The following HPSE variants were observed in gnomAD, a reference collection of about 807,000 sequenced individuals.
The protein encoded by HPSE is endo-glucoronidase.
Under a neutral mutation model 65.1 loss-of-function variants are expected in HPSE, and 48 were observed. The observed-to-expected ratio is 0.74, with a 90% confidence interval of 0.58 to 0.94. The LOEUF (loss-of-function observed/expected upper bound fraction) is 0.94. HPSE is among the 40% of genes least tolerant of loss of function. The pLI is 0.00. For synonymous variants in HPSE, 243 were observed against 260.0 expected, an observed-to-expected ratio of 0.93 and a Z score of 0.63; for missense variants, 644 against 637.5, an observed-to-expected ratio of 1.01 and a Z score of -0.11.
At chr4:83,335,110 T>G, upstream of HPSE, 1 of 259,372 alleles carries the variant, frequency 3.9e-6, no homozygotes. Flanking sequence ...CCGGGAGGCC[T>G]GGGGAGGAGC....
At position 83,334,736 on chromosome 4, in the gene HPSE, A is replaced by G. The variant is rs550457600; in HGVS notation, c.47T>C (p.Leu16Pro). 1.3e-6 allele frequency: 2 copies of G among 1,559,280 alleles called. No homozygotes were observed. Among genetic ancestry groups the G allele is most frequent in the South Asian group, 2.4e-5 (2 of 84,680 alleles). The change falls in exon 1 of 12, where the codon CTG (leucine) becomes CCG (proline). Residue 16 changes from leucine to proline, a missense_variant. By Grantham distance (98) the Leu-to-Pro change is moderately conservative. Transcript: ENST00000311412. ...KPALPPPLML[L>P]LLGPLGPLSP... ...GAGGGGACCCAGCGGCCCCAGGAGC[A>G]GCAGCATCAGCGGCGGCGGCAGCGC...
chr4:83,308,985 A>G lies in HPSE; in HGVS notation c.985-34T>C, dbSNP rs1560507514. On this transcript the variant is annotated intron_variant, in intron 7 of 11. Coordinates refer to ENST00000311412, the MANE Select transcript of HPSE (RefSeq NM_001098540.3). ...CAGAAAAGTATCCATGGTAATTGCA[A>G]AAAAGCTGACCTGTGGTTTCAACTG... is the stretch of plus-strand genomic sequence containing the variant. The G allele has an allele frequency of 3.8e-6, 6 of 1,568,474 alleles. No homozygotes were observed. The East Asian group carries it at 1.3e-4, about 35-fold the overall frequency.
intron 1 of HPSE, among the ~76,000 whole-genome samples, chr4:83,333,401 C>T (rs1241572729): frequency 6.6e-6 from 1 of 152,188 alleles, no homozygotes; most frequent in East Asian, 1.9e-4. Flanking sequence ...GATGGTCTGT[C>T]CATCTCTTAA....
At chr4:83,323,217 T>C (rs1380646809) in intron 1 of HPSE, among the ~76,000 whole-genome samples, 13 of 152,138 alleles carry the variant, frequency 8.5e-5, no homozygotes, top group Admixed American at 8.5e-4. Flanking sequence ...TGCAGGGCAC[T>C]GAAAATACTC....
In HPSE at chr4:83,309,445, T is replaced by A; in HGVS notation, c.941A>T (p.Asp314Val). 3 of 1,595,198 alleles carry A rather than the reference T, an allele frequency of 1.9e-6. No individual in the cohort carries two copies. The highest frequency in any genetic ancestry group is 2.6e-6 in the Non-Finnish European group (3 of 1,166,790). ...TATKEDFLNP[D>V]VLDIFISSVQ... ...AGATGAAATAAAAATGTCCAATACA[T>A]CAGGGTTTAGAAAATCTTCCTTGGT... The change falls in exon 7 of 12, where the codon GAT (aspartate) becomes GTT (valine). Residue 314 changes from aspartate (D) to valine (V), a missense_variant. Asp to Val is a radical substitution (Grantham distance 152). Coordinates refer to ENST00000311412, the MANE Select transcript of HPSE (RefSeq NM_001098540.3).
chr4:83,322,586 G>A (rs1450603160), intron 1 of HPSE, among the ~76,000 whole-genome samples: 6 of 151,898 alleles, frequency 4.0e-5, no homozygotes, highest in South Asian at 2.1e-4. Context: ...TCTGCTTGCC[G>A]GGTTGAAGCA....
chr4:83,321,953 C>T (rs538641281), intron 2 of HPSE, among the ~76,000 whole-genome samples: 2 of 143,234 alleles, frequency 1.4e-5, no homozygotes, highest in African/African-American at 5.1e-5. Flanking sequence ...TTAATATTTA[C>T]TGTACAATGA....
chr4:83,292,993 C>T lies in HPSE; in HGVS notation c.*2351G>A, dbSNP rs1401450621. 2 of 152,140 alleles carry T rather than the reference C, an allele frequency of 1.3e-5. No individual in the cohort carries two copies. Among genetic ancestry groups the T allele is most frequent in the African/African-American group, 4.8e-5 (2 of 41,424 alleles). 9.4% of individuals were successfully genotyped at this position (152,140 alleles called of 1,614,324 possible). ...CACCCCTGTAAGCAAAAAGTGTGTA[C>T]CCCTAAAGCTATTAAAATAAAAAAT... is the stretch of plus-strand genomic sequence containing the variant. On this transcript the variant is annotated 3_prime_UTR_variant, in exon 12 of 12. Coordinates refer to ENST00000311412, the MANE Select transcript of HPSE (RefSeq NM_001098540.3).
intron 1 of HPSE, among the ~76,000 whole-genome samples, chr4:83,323,504 AACACACAC>A (rs60575393): frequency 4.0e-5 from 6 of 149,960 alleles, no homozygotes; most frequent in African/African-American, 1.2e-4. Context: ...GTCTATTTAA[AACACACAC>A]ACACACACAC....
chr4:83,321,334 A>G (rs1281716220), intron 2 of HPSE, among the ~76,000 whole-genome samples: 1 of 152,218 alleles, frequency 6.6e-6, no homozygotes, highest in Non-Finnish European at 1.5e-5. Context: ...AATTGTTCTA[A>G]ATACTTCATA....
At chr4:83,327,199 A>C (rs1421919114) in intron 1 of HPSE, among the ~76,000 whole-genome samples, 2 of 152,184 alleles carry the variant, frequency 1.3e-5, no homozygotes, top group Non-Finnish European at 2.9e-5. Context: ...AAGTGAATGA[A>C]TGAGCAAGGC....
intron 1 of HPSE, among the ~76,000 whole-genome samples, chr4:83,327,963 G>A (rs1000074379): frequency 6.6e-6 from 1 of 152,158 alleles, no homozygotes; most frequent in Non-Finnish European, 1.5e-5. Context: ...AGAAGGCCTA[G>A]GTCAGAAGTC....
intron 5 of HPSE, 33 bp from the exon 6 acceptor site, chr4:83,310,111 A>T: frequency 7.1e-7 from 1 of 1,403,280 alleles, no homozygotes; most frequent in East Asian, 2.3e-5. Context: ...ACTCAGTCAT[A>T]TAATACATAT....
intron 8 of HPSE, among the ~76,000 whole-genome samples, chr4:83,307,122 C>T (rs1233360982): frequency 6.6e-6 from 1 of 152,240 alleles, no homozygotes. Context: ...CTTAAAAGCT[C>T]TGATCCTCGA....
In HPSE at chr4:83,292,630, A is replaced by G. The variant is rs1245488746; in HGVS notation, c.*2714T>C. On this transcript the variant is annotated 3_prime_UTR_variant, in exon 12 of 12. Coordinates refer to ENST00000311412, the MANE Select transcript of HPSE (RefSeq NM_001098540.3). ...AATTAACCTAAGTGTCCATCAACTGATAAGTGGATAAAGAAAATGTGGTAT... is the reference window on the plus strand; with the variant it reads ...AATTAACCTAAGTGTCCATCAACTGGTAAGTGGATAAAGAAAATGTGGTAT... The G allele has an allele frequency of 1.3e-5, 2 of 152,238 alleles. No individual in the cohort carries two copies. The highest frequency in any genetic ancestry group is 2.9e-5 in the Non-Finnish European group (2 of 68,044). The allele number at this position is 152,238 out of a possible 1,614,324, so 9.4% of individuals were successfully genotyped here.
chr4:83,317,877 G>T (rs1365841934), intron 3 of HPSE, among the ~76,000 whole-genome samples: 2 of 152,176 alleles, frequency 1.3e-5, no homozygotes, highest in African/African-American at 4.8e-5. Flanking sequence ...AATGGGATCT[G>T]AAATGGCCCT....
intron 3 of HPSE, among the ~76,000 whole-genome samples, chr4:83,318,293 A>G (rs745406119): frequency 2.0e-5 from 3 of 152,198 alleles, no homozygotes; most frequent in Admixed American, 6.5e-5. Context: ...AGTGGGGTAT[A>G]AACATCAAAC....
chr4:83,309,515 T>G lies in HPSE; in HGVS notation c.891-20A>C, dbSNP rs1473997247. On this transcript the variant is annotated intron_variant, in intron 6 of 11. Transcript: ENST00000311412. The stretch of plus-strand genomic sequence containing the variant: ...TAGTAGCTAAATTACACAGAAAATA[T>G]TCAGAAAAAAAATAACAAATTTTAC... 7.8e-7 allele frequency: 1 copy of G among 1,287,888 alleles called. No individual in the cohort carries two copies. The highest frequency in any genetic ancestry group is 1.1e-6 in the Non-Finnish European group (1 of 900,006). 79.8% of individuals were successfully genotyped at this position (1,287,888 alleles called of 1,614,324 possible).
intron 11 of HPSE, among the ~76,000 whole-genome samples, chr4:83,298,907 G>T (rs915590086): frequency 3.3e-5 from 5 of 152,044 alleles, no homozygotes; most frequent in Non-Finnish European, 5.9e-5. Flanking sequence ...ATGAGTAAGC[G>T]TACAGACTGT....
Sources: allele counts gnomAD v4.1 joint callset (sites outside exome capture counted in the v4.1 genomes callset), GRCh38; gene constraint gnomAD v4.1.1; transcripts MANE v1.5; gene names NCBI Gene and HGNC (gene_info 2026-07-23, HGNC 2026-07-21).